The following GRID2 variants were observed in gnomAD, a reference collection of about 807,000 sequenced individuals.
GRID2 encodes the protein glutamate receptor ionotropic, delta-2.
Under a neutral mutation model 114.8 loss-of-function variants are expected in GRID2, and 33 were observed. The ratio of observed to expected loss-of-function variants is 0.29; its 90% CI spans 0.22 to 0.38. The LOEUF is 0.38. Among genes scored for constraint, GRID2 ranks in the 10% least tolerant of loss-of-function variants. GRID2 has a pLI of 1.00. For missense variants in GRID2, 1,184 were observed against 1,257.7 expected (o/e 0.94, Z 0.89); for synonymous variants, 505 against 449.9 (o/e 1.12, Z -1.55).
At chr4:93,358,075 G>T (rs893002570) in intron 8 of GRID2, among the ~76,000 whole-genome samples, 1 of 151,448 alleles carries the variant, frequency 6.6e-6, no homozygotes, top group Non-Finnish European at 1.5e-5. Context: ...AGTTTCATTG[G>T]ACTTATCAAA....
At chr4:92,699,722 TTATA>T (rs1472747121) in intron 2 of GRID2, among the ~76,000 whole-genome samples, 1 of 152,192 alleles carries the variant, frequency 6.6e-6, no homozygotes, top group Admixed American at 6.5e-5. Context: ...CTACTCATCT[TTATA>T]TATGTTTTAT....
At chr4:92,411,655 G>GTGTGTGTATATATATATATATA in intron 1 of GRID2, among the ~76,000 whole-genome samples, 24 of 84,682 alleles carry the variant, frequency 2.8e-4, no homozygotes, top group African/African-American at 9.9e-4. Flanking sequence ...GTGTGTGTGT[G>GTGTGTGTATATATATATATATA]TATATATATA....
At chr4:92,899,577 C>A (rs1411917106) in intron 2 of GRID2, among the ~76,000 whole-genome samples, 1 of 151,892 alleles carries the variant, frequency 6.6e-6, no homozygotes, top group African/African-American at 2.4e-5. Context: ...AGTCAGAGTT[C>A]TTTAATTGTT....
At chr4:93,464,571 T>C (rs11726891) in intron 11 of GRID2, among the ~76,000 whole-genome samples, 1 of 152,196 alleles carries the variant, frequency 6.6e-6, no homozygotes, top group Non-Finnish European at 1.5e-5. Context: ...TACTTGATTG[T>C]TTTTCACATT....
At chr4:92,687,319 A>G (rs186050637) in intron 2 of GRID2, among the ~76,000 whole-genome samples, 128 of 152,236 alleles carry the variant, frequency 8.4e-4, no homozygotes, top group Non-Finnish European at 1.6e-3. Flanking sequence ...AGAAATATAT[A>G]TACACAGATA....
At chr4:92,388,897 A>T (rs1730109511) in intron 1 of GRID2, among the ~76,000 whole-genome samples, 1 of 152,088 alleles carries the variant, frequency 6.6e-6, no homozygotes, top group Non-Finnish European at 1.5e-5. Context: ...CTATGCAATT[A>T]AAAAAAGGTT....
At chr4:93,477,764 G>A (rs1725462068) in intron 11 of GRID2, among the ~76,000 whole-genome samples, 1 of 152,102 alleles carries the variant, frequency 6.6e-6, no homozygotes, top group Non-Finnish European at 1.5e-5. Flanking sequence ...CTGTCCAGTA[G>A]AACTGAATGC....
chr4:93,213,492 AT>A (rs1743812361), intron 5 of GRID2, among the ~76,000 whole-genome samples: 1 of 152,192 alleles, frequency 6.6e-6, no homozygotes, highest in Non-Finnish European at 1.5e-5. Flanking sequence ...CTTACCATTC[AT>A]TCATTAAATA....
chr4:93,516,395 G>T (rs950234995), intron 13 of GRID2, among the ~76,000 whole-genome samples: 1 of 152,088 alleles, frequency 6.6e-6, no homozygotes, highest in Non-Finnish European at 1.5e-5. Context: ...CCTAGAGTCA[G>T]CCTAGTAATT....
intron 4 of GRID2, among the ~76,000 whole-genome samples, chr4:93,197,488 A>G (rs1013841716): frequency 6.6e-6 from 1 of 152,168 alleles, no homozygotes. Flanking sequence ...ATACATAGTA[A>G]GCACTCAACA....
At chr4:93,279,282 A>G (rs539772152) in intron 8 of GRID2, among the ~76,000 whole-genome samples, 170 of 151,888 alleles carry the variant, frequency 1.1e-3, no homozygotes, top group Non-Finnish European at 1.8e-3. Flanking sequence ...ATATTACTTC[A>G]CTTAGGCACA....
intron 2 of GRID2, among the ~76,000 whole-genome samples, chr4:93,033,379 C>G (rs1279830530): frequency 6.6e-6 from 1 of 152,162 alleles, no homozygotes; most frequent in Non-Finnish European, 1.5e-5. Context: ...CAAGAAAATA[C>G]CAAACATAGA....
chr4:93,675,180 T>A (rs953650903), intron 14 of GRID2, among the ~76,000 whole-genome samples: 1 of 152,158 alleles, frequency 6.6e-6, no homozygotes, highest in Admixed American at 6.5e-5. Flanking sequence ...TGTGTGTGCA[T>A]TTCTCCCTTA....
chr4:92,897,563 T>C (rs1043518936), intron 2 of GRID2, among the ~76,000 whole-genome samples: 1 of 152,224 alleles, frequency 6.6e-6, no homozygotes. Context: ...GTGCCCTGGC[T>C]TCCTTAGTTG....
intron 2 of GRID2, among the ~76,000 whole-genome samples, chr4:92,790,374 A>G (rs919480828): frequency 6.6e-6 from 1 of 151,792 alleles, no homozygotes; most frequent in Non-Finnish European, 1.5e-5. Flanking sequence ...AACATTGTTA[A>G]TATACTTATG....
chr4:92,351,942 TG>T (rs1195765859), intron 1 of GRID2, among the ~76,000 whole-genome samples: 2 of 151,970 alleles, frequency 1.3e-5, no homozygotes, highest in African/African-American at 4.8e-5. Flanking sequence ...TCTTGACTGT[TG>T]TAAACAGTGC....
intron 2 of GRID2, among the ~76,000 whole-genome samples, chr4:92,606,501 CT>C (rs1171269310): frequency 3.3e-5 from 5 of 151,954 alleles, no homozygotes; most frequent in African/African-American, 1.2e-4. Context: ...TATTTTCTGT[CT>C]TCTGTGTGTG....
At chr4:92,600,977 C>G (rs1205726395) in intron 2 of GRID2, among the ~76,000 whole-genome samples, 2 of 152,194 alleles carry the variant, frequency 1.3e-5, no homozygotes, top group African/African-American at 4.8e-5. Flanking sequence ...TCAGAGCCAC[C>G]AGGAAGGACT....
intron 4 of GRID2, among the ~76,000 whole-genome samples, chr4:93,134,463 T>A (rs573773403): frequency 3.4e-4 from 52 of 152,248 alleles, no homozygotes; most frequent in African/African-American, 1.2e-3. Context: ...TGACCTTGGA[T>A]GGTGGTGAAT....
Sources: gnomAD v4.1 joint callset for allele counts (sites outside exome capture counted in the v4.1 genomes callset) on GRCh38, gnomAD v4.1.1 for gene constraint, MANE v1.5 for transcripts, NCBI Gene and HGNC (gene_info 2026-07-23, HGNC 2026-07-21) for gene names.